Variants in CAPN15 observed in about 807,000 individuals in gnomAD.
The protein encoded by CAPN15 is calpain 15.
Under a neutral mutation model 97.9 loss-of-function variants are expected in CAPN15, and 53 were observed. That is an observed-to-expected ratio of 0.54 (90% confidence interval 0.43 to 0.68). The LOEUF (loss-of-function observed/expected upper bound fraction) is 0.68, where lower values mean the gene tolerates loss of function less well. Among genes scored for constraint, CAPN15 ranks in the 30% least tolerant of loss-of-function variants. CAPN15 has a pLI of 0.00. For missense variants in CAPN15, 1,592 were observed against 1,589.8 expected (o/e 1.00, Z -0.02); for synonymous variants, 922 against 722.5 (o/e 1.28, Z -4.43).
intron 7 of CAPN15, 51 bp from the exon 8 acceptor site, chr16:551,251 G>A: frequency 6.6e-7 from 1 of 1,525,302 alleles, no homozygotes; most frequent in South Asian, 1.2e-5. Flanking sequence ...GGTCGGTGAG[G>A]GTCCCCTGTC....
In CAPN15 at chr16:551,508, G is replaced by A; in HGVS notation, c.2193-4G>A. The A allele has an allele frequency of 6.2e-7, 1 of 1,608,886 alleles. No homozygotes were observed. Among genetic ancestry groups the A allele is most frequent in the Non-Finnish European group, 8.5e-7 (1 of 1,176,938 alleles). ...GTTCAGATCCTCACCCCTGTGGTCT[G>A]CAGGCTTCTGCGGCTCCGAAACCCG... is the stretch of plus-strand genomic sequence containing the variant. On this transcript the variant is annotated splice_polypyrimidine_tract_variant and splice_region_variant and intron_variant, in intron 8 of 13. Transcript: ENST00000219611.
chr16:541,436 G>T (rs1007875230), intron 3 of CAPN15, among the ~76,000 whole-genome samples: 2 of 152,184 alleles, frequency 1.3e-5, no homozygotes, highest in African/African-American at 4.8e-5. Flanking sequence ...ACAGAGAGAC[G>T]CGGCAAAGGC....
chr16:538,970 C>T (rs1381983013), intron 3 of CAPN15: 34 of 148,642 alleles, frequency 2.3e-4, no homozygotes, highest in African/African-American at 7.9e-4. Context: ...GGCTCTGTCT[C>T]CCAGGCTGGA....
In CAPN15 at chr16:552,806, C is replaced by T; in HGVS notation, c.2904+35C>T. 2.4e-6 allele frequency: 2 copies of T among 823,344 alleles called. No individual in the cohort carries two copies. The highest frequency in any genetic ancestry group is 1.7e-5 in the African/African-American group (1 of 58,352). The allele number at this position is 823,344 out of a possible 1,614,324, so 51.0% of individuals were successfully genotyped here. A position where few individuals can be genotyped will look rare whatever the true frequency, so the allele number is the denominator to read the frequency against. On this transcript the variant is annotated intron_variant, in intron 12 of 13. Transcript: ENST00000219611. This position sits in a 1 kb window ranked among gnomAD's most constrained non-coding sequence, Gnocchi z 6.4. The stretch of plus-strand genomic sequence containing the variant: ...GGTCCCGGGGGAGGGTGGCGTGGGG[C>T]AGGGGGAGTATGCCCCAGCACCTCC...
In CAPN15 at chr16:552,604, G is replaced by GC; in HGVS notation, c.2739dup (p.Ser914LeufsTer58). On this transcript the variant is annotated frameshift_variant and splice_region_variant. Transcript: ENST00000219611. LOFTEE classifies it high-confidence loss of function. This position sits in a 1 kb window ranked among gnomAD's most constrained non-coding sequence, Gnocchi z 6.4. Reference sequence around the variant, plus strand: ...TGCGGTTCACACGCCCGTCCTTGTAGCCTCCAGCCCCTCGGCAGGGGTCCC... The same window carrying GC: ...TGCGGTTCACACGCCCGTCCTTGTAGCCCTCCAGCCCCTCGGCAGGGGTCCC... The GC allele has an allele frequency of 1.3e-6, 2 of 1,541,226 alleles. No homozygotes were observed. Among genetic ancestry groups the GC allele is most frequent in the Non-Finnish European group, 1.7e-6 (2 of 1,146,068 alleles).
Position 549,199 on chromosome 16 carries a change from C to T in CAPN15, c.1656C>T (p.Cys552=), listed in dbSNP as rs975999145. 20 of 1,159,518 alleles carry T rather than the reference C, an allele frequency of 1.7e-5. No individual in the cohort carries two copies. Among genetic ancestry groups the T allele is most frequent in the Admixed American group, 2.4e-5 (1 of 41,954 alleles). 71.8% of individuals were successfully genotyped at this position (1,159,518 alleles called of 1,614,324 possible). ...SDILQGLLGN[C]WFLSALAVLA... is the part of the protein sequence containing the mutation. ...TCCTGCAGGGGCTGCTGGGGAACTGCTGGTGAGGCCTTCTCCAAGGCCGGG... is the reference window on the plus strand; with the variant it reads ...TCCTGCAGGGGCTGCTGGGGAACTGTTGGTGAGGCCTTCTCCAAGGCCGGG... The change falls in exon 5 of 14, where the codon TGC becomes TGT. Residue 552 remains cysteine (C), a splice_region_variant and synonymous_variant. Coordinates refer to ENST00000219611, the MANE Select transcript of CAPN15 (RefSeq NM_005632.3).
In CAPN15 at chr16:548,083, G is replaced by C. The variant is rs993074333; in HGVS notation, c.1245G>C (p.Gln415His). The change falls in exon 4 of 14, where the codon CAG becomes CAC. Residue 415 changes from glutamine (Q) to histidine (H), a missense_variant. Gln to His is a conservative substitution (Grantham distance 24). Coordinates refer to ENST00000219611, the MANE Select transcript of CAPN15 (RefSeq NM_005632.3). ...AARVLPERPG[Q>H]WACPACTLLN... ...GCGTCCTGCCCGAGCGCCCGGGCCA[G>C]TGGGCCTGCCCTGCCTGTACCCTGC... is the stretch of plus-strand genomic sequence containing the variant. The C allele has an allele frequency of 1.9e-6, 3 of 1,539,502 alleles. No homozygotes were observed. In the African/African-American group the frequency reaches 4.1e-5, roughly 21 times the overall value.
intron 1 of CAPN15, among the ~76,000 whole-genome samples, chr16:532,038 G>A (rs757881016): frequency 6.6e-5 from 10 of 152,040 alleles, no homozygotes; most frequent in South Asian, 2.1e-4. Context: ...TCAGGAGTTC[G>A]AGACCAGCCT....
chr16:550,219 C>T (rs1252619853), intron 7 of CAPN15, among the ~76,000 whole-genome samples: 2 of 152,222 alleles, frequency 1.3e-5, no homozygotes, highest in South Asian at 2.1e-4. Context: ...GTCTGTGCCT[C>T]GACCCCCAGG....
chr16:538,118 T>A (rs193146673), intron 3 of CAPN15: 68 of 152,338 alleles, frequency 4.5e-4, no homozygotes, highest in African/African-American at 1.5e-3. Flanking sequence ...ACGACTCCCG[T>A]GGCCCCGTCC....
chr16:551,462 CGGTGAGACTCGG>C (rs763803959), intron 8 of CAPN15, 35 bp downstream of exon 8: 1 of 1,599,826 alleles, frequency 6.3e-7, no homozygotes, highest in Non-Finnish European at 8.5e-7. Flanking sequence ...GGTGGGGTGC[CGGTGAGACTCGG>C]GCAGTGTGGT....
At position 547,848 on chromosome 16, in the gene CAPN15, C is replaced by G; in HGVS notation, c.1010C>G (p.Ser337Cys). 3 of 1,611,340 alleles carry G rather than the reference C, an allele frequency of 1.9e-6. No individual in the cohort carries two copies. Among genetic ancestry groups the G allele is most frequent in the Non-Finnish European group, 2.5e-6 (3 of 1,179,358 alleles). The change falls in exon 4 of 14, where the codon TCC becomes TGC. Residue 337 changes from serine to cysteine, a missense_variant. By Grantham distance (112) the Ser-to-Cys change is moderately radical (BLOSUM62 -1). Coordinates refer to ENST00000219611, the MANE Select transcript of CAPN15 (RefSeq NM_005632.3). ...DTVRYTPASPSSPDFTTWSCA... is the reference protein window; with the variant it reads ...DTVRYTPASPCSPDFTTWSCA... Reference sequence around the variant, plus strand: ...GTGCGTTACACGCCCGCCAGCCCCTCCAGCCCCGACTTCACCACCTGGTCA... The same window carrying G: ...GTGCGTTACACGCCCGCCAGCCCCTGCAGCCCCGACTTCACCACCTGGTCA...
chr16:542,940 A>G (rs1488728033), intron 3 of CAPN15, among the ~76,000 whole-genome samples: 1 of 152,140 alleles, frequency 6.6e-6, no homozygotes, highest in African/African-American at 2.4e-5. Context: ...AATCCTAGCT[A>G]CTAGGGAGGC....
chr16:543,117 C>T (rs1346560640), intron 3 of CAPN15, among the ~76,000 whole-genome samples: 4 of 152,066 alleles, frequency 2.6e-5, no homozygotes, highest in African/African-American at 9.7e-5. Flanking sequence ...CGTGCCACCG[C>T]ACTCCAGCTT....
rs1423342844 is a variant in CAPN15, at chr16:552,657, C to T, written c.2790C>T (p.His930=). Residue 930 remains histidine, a synonymous_variant, in exon 12 of 14, where the codon CAC becomes CAT. Transcript: ENST00000219611. The surrounding 1 kb of genome is among the most constrained non-coding windows in gnomAD (Gnocchi z 6.4). The stretch of plus-strand genomic sequence containing the variant: ...GAGCCTCCCCAGAGCCGCCGGGCCA[C>T]GTGCTGGCTGTGTACAGCTCGAGGC... ...VPRASPEPPG[H]VLAVYSSRLV... The T allele has an allele frequency of 2.2e-5, 34 of 1,539,834 alleles. No homozygotes were observed. The highest frequency in any genetic ancestry group is 1.8e-4 in the Middle Eastern group (1 of 5,434).
At chr16:534,179 G>T (rs2033483118) in intron 2 of CAPN15, among the ~76,000 whole-genome samples, 181 bp downstream of exon 2, 1 of 152,286 alleles carries the variant, frequency 6.6e-6, no homozygotes, top group African/African-American at 2.4e-5. Flanking sequence ...CCAGCCGTTT[G>T]GGCCGTGGTC....
At position 553,912 on chromosome 16, in the gene CAPN15, T is replaced by A; in HGVS notation, c.*396T>A. 5.2e-6 allele frequency: 1 copy of A among 193,904 alleles called. No individual in the cohort carries two copies. Among genetic ancestry groups the A allele is most frequent in the Non-Finnish European group, 1.0e-5 (1 of 96,910 alleles). The allele number at this position is 193,904 out of a possible 1,614,324, so 12.0% of individuals were successfully genotyped here. Reference sequence around the variant, plus strand: ...GGTGTCAGAGGCCAAGACCCTGGGGTGGGATCAGGGACCACCCCTCACGGG... The same window carrying A: ...GGTGTCAGAGGCCAAGACCCTGGGGAGGGATCAGGGACCACCCCTCACGGG... On this transcript the variant is annotated 3_prime_UTR_variant, in exon 14 of 14. Coordinates refer to ENST00000219611, the MANE Select transcript of CAPN15 (RefSeq NM_005632.3).
intron 1 of CAPN15, 58 bp from the exon 2 acceptor site, chr16:533,888 A>G (rs2141956730): frequency 1.1e-6 from 1 of 882,438 alleles, no homozygotes; most frequent in Non-Finnish European, 1.4e-6. Flanking sequence ...TCTGTGTTCC[A>G]GGGTCAGAGT....
intron 6 of CAPN15, 23 bp from the exon 7 acceptor site, chr16:549,592 G>C (rs754579726): frequency 6.6e-7 from 1 of 1,518,610 alleles, no homozygotes; most frequent in South Asian, 1.2e-5. Context: ...GGCGGGGGTG[G>C]CCTCTGACCC....
Sources: gnomAD v4.1 joint callset for allele counts (sites outside exome capture counted in the v4.1 genomes callset) on GRCh38, gnomAD v4.1.1 for gene constraint, Gnocchi (gnomAD v3.1) non-coding constraint, MANE v1.5 for transcripts, NCBI Gene and HGNC (gene_info 2026-07-23, HGNC 2026-07-21) for gene names.